OR51B5: variants seen among roughly 807,000 people sequenced by gnomAD.
OR51B5 encodes the protein olfactory receptor family 51 subfamily B member 5, also known as olfactory receptor 51B5.
For synonymous variants in OR51B5, 186 were observed against 144.8 expected (o/e 1.28, Z -2.04); for missense variants, 456 against 374.6 (o/e 1.22, Z -1.79).
At chr11:5,483,023 C>G (rs1190700980) in intron 1 of OR51B5, among the ~76,000 whole-genome samples, 1 of 138,376 alleles carries the variant, frequency 7.2e-6, no homozygotes, top group African/African-American at 2.7e-5. Context: ...ACCCAAAGGA[C>G]TATAAATCAT....
In OR51B5 at chr11:5,418,576, C is replaced by T. The variant is rs189559075; in HGVS notation, n.85-71666G>A. On this transcript the variant is annotated intron_variant and non_coding_transcript_variant, in intron 1 of 4. Transcript: ENST00000415970. ...GAAAAGGATGAGTTCATGTCTCTTG[C>T]AGGGACATGCATGAAGCTGGAAACC... Among the ~76,000 whole-genome samples, 774 of 152,136 alleles carry T rather than the reference C, an allele frequency of 5.1e-3. 5 individuals are homozygous for T. Among genetic ancestry groups the T allele is most frequent in the African/African-American group, 0.018 (735 of 41,496 alleles).
At chr11:5,452,802 G>A (rs1381227360) in intron 1 of OR51B5, among the ~76,000 whole-genome samples, 1 of 152,184 alleles carries the variant, frequency 6.6e-6, no homozygotes, top group East Asian at 1.9e-4. Flanking sequence ...AATATTTAGG[G>A]ACAAATACAT....
chr11:5,351,104 CCA>C (rs1419803293), intron 1 of OR51B5, among the ~76,000 whole-genome samples: 1 of 152,142 alleles, frequency 6.6e-6, no homozygotes, highest in African/African-American at 2.4e-5. Flanking sequence ...CCCTATAATA[CCA>C]CCAGTCAGGA....
At chr11:5,413,685 G>A (rs1208576717) in intron 1 of OR51B5, among the ~76,000 whole-genome samples, 1 of 152,204 alleles carries the variant, frequency 6.6e-6, no homozygotes, top group Admixed American at 6.5e-5. Flanking sequence ...GGGTATCAGT[G>A]ATGGAAGATG....
intron 1 of OR51B5, among the ~76,000 whole-genome samples, chr11:5,477,037 T>G (rs950417569): frequency 1.2e-4 from 18 of 152,230 alleles, no homozygotes; most frequent in African/African-American, 4.1e-4. Flanking sequence ...TTTTAAAATG[T>G]GCCGAGAGGG....
At position 5,363,578 on chromosome 11, in the gene OR51B5, G is replaced by A. The variant is rs990414450; in HGVS notation, n.85-16668C>T. Among the ~76,000 whole-genome samples, 11 of 152,026 alleles carry A rather than the reference G, an allele frequency of 7.2e-5. 1 individual carries two copies. Among genetic ancestry groups the A allele is most frequent in the African/African-American group, 2.4e-4 (10 of 41,406 alleles). ...AAGCACAGATACCAAGTTTTTGAGT[G>A]TGAATGCAGAAAGAAGATATATTGA... On this transcript the variant is annotated intron_variant and non_coding_transcript_variant, in intron 1 of 4. Coordinates refer to the OR51B5 transcript ENST00000415970.
chr11:5,422,130 G>T, intron 1 of OR51B5: 1 of 1,205,212 alleles, frequency 8.3e-7, no homozygotes, highest in South Asian at 1.5e-5. Flanking sequence ...ATGGGGCAAA[G>T]AGATATTATT....
At chr11:5,455,214 C>T (rs1435502046) in intron 1 of OR51B5, 1 of 152,136 alleles carries the variant, frequency 6.6e-6, no homozygotes, top group Non-Finnish European at 1.5e-5. Context: ...ATATCTGACT[C>T]ATAGAATTTT....
At chr11:5,467,544 A>G (rs567726582) in intron 1 of OR51B5, among the ~76,000 whole-genome samples, 138 of 152,338 alleles carry the variant, frequency 9.1e-4, no homozygotes, top group African/African-American at 3.2e-3. Context: ...CTCTCCAGTT[A>G]AAGTCCACAT....
chr11:5,427,823 T>A (rs184842443), intron 1 of OR51B5, among the ~76,000 whole-genome samples: 52 of 152,308 alleles, frequency 3.4e-4, no homozygotes, highest in Admixed American at 3.2e-3. Context: ...CAACTTCAAC[T>A]ATTTTTAAAC....
At chr11:5,345,881 T>C (rs935450816), upstream of OR51B5, 2 of 91,652 alleles carry the variant, frequency 2.2e-5, no homozygotes, top group African/African-American at 6.4e-5. Flanking sequence ...TTTTTCAGCA[T>C]CCATATTCTG....
At chr11:5,436,497 TG>T (rs1850598132) in intron 1 of OR51B5, among the ~76,000 whole-genome samples, 1 of 152,190 alleles carries the variant, frequency 6.6e-6, no homozygotes, top group Admixed American at 6.5e-5. Flanking sequence ...TGGATCTGTG[TG>T]GGACAGAACA....
chr11:5,401,172 A>G (rs1017938133), intron 1 of OR51B5, among the ~76,000 whole-genome samples: 6 of 152,174 alleles, frequency 3.9e-5, no homozygotes, highest in African/African-American at 1.4e-4. Context: ...CCCCAGGAAA[A>G]GAACATCCTT....
chr11:5,496,180 A>G (rs1851648230), intron 1 of OR51B5, among the ~76,000 whole-genome samples: 1 of 151,956 alleles, frequency 6.6e-6, no homozygotes, highest in African/African-American at 2.4e-5. Context: ...GTACCTGCCC[A>G]TGGGTTCACA....
intron 1 of OR51B5, among the ~76,000 whole-genome samples, chr11:5,504,661 A>G (rs1001322244): frequency 1.3e-5 from 2 of 152,048 alleles, no homozygotes; most frequent in Non-Finnish European, 2.9e-5. Flanking sequence ...CTTTAATTTG[A>G]TTTGTATCTA....
At position 5,453,380 on chromosome 11, in the gene OR51B5, A is replaced by T. The variant is rs1417721947; in HGVS notation, n.84+52189T>A. On this transcript the variant is annotated intron_variant and non_coding_transcript_variant, in intron 1 of 4. Transcript: ENST00000415970. ...GTCAGTTTCCATTTATGTCAACATC[A>T]TCGCTTTGTCTCTTATCTCCTGATT... 3 of 716,878 alleles carry T rather than the reference A, an allele frequency of 4.2e-6. No homozygotes were observed. The African/African-American group carries it at 5.3e-5, about 13-fold the overall frequency. 44.4% of individuals were successfully genotyped at this position (716,878 alleles called of 1,614,324 possible).
chr11:5,352,524 G>T, intron 1 of OR51B5: 1 of 871,372 alleles, frequency 1.1e-6, no homozygotes, highest in Non-Finnish European at 1.8e-6. Flanking sequence ...AGTAACTAGG[G>T]AAAGTCATTT....
intron 1 of OR51B5, among the ~76,000 whole-genome samples, chr11:5,432,237 T>C (rs1326047275): frequency 1.3e-5 from 2 of 152,220 alleles, no homozygotes; most frequent in Non-Finnish European, 2.9e-5. Flanking sequence ...ATATCAACTT[T>C]TTTAGCTCCC....
At position 5,408,358 on chromosome 11, in the gene OR51B5, C is replaced by G. The variant is rs1052891290; in HGVS notation, n.85-61448G>C. 5.7e-3 allele frequency among the ~76,000 whole-genome samples: 352 copies of G among 61,244 alleles called. 3 individuals are homozygous for G. The highest frequency in any genetic ancestry group is 0.012 in the African/African-American group (334 of 28,840). 40.2% of individuals were successfully genotyped at this position (61,244 alleles called of 152,430 possible). A position where few individuals can be genotyped will look rare whatever the true frequency, so the allele number is the denominator to read the frequency against. Reference sequence around the variant, plus strand: ...TCCTTCCTTCCCTTCCTCCCTTCCTCCCTTCCTCCCTCCCTCCCTCCCTTT... The same window carrying G: ...TCCTTCCTTCCCTTCCTCCCTTCCTGCCTTCCTCCCTCCCTCCCTCCCTTT... On this transcript the variant is annotated intron_variant and non_coding_transcript_variant, in intron 1 of 4. Transcript: ENST00000415970.
Sources: allele counts gnomAD v4.1 joint callset (sites outside exome capture counted in the v4.1 genomes callset), GRCh38; gene constraint gnomAD v4.1.1; transcripts MANE v1.5; gene names NCBI Gene and HGNC (gene_info 2026-07-23, HGNC 2026-07-21).